The following APCDD1 variants were observed in gnomAD, a reference collection of about 807,000 sequenced individuals.
APCDD1 encodes the protein protein APCDD1.
APCDD1 carries 15 observed loss-of-function variants against 38.1 expected under a neutral mutation model. That is an observed-to-expected ratio of 0.39 (90% CI 0.26 to 0.61). The LOEUF (loss-of-function observed/expected upper bound fraction) is 0.61. Among genes scored for constraint, APCDD1 ranks in the 20% least tolerant of loss-of-function variants. The pLI is 0.49. For synonymous variants in APCDD1, 261 were observed against 279.7 expected, an observed-to-expected ratio of 0.93 and a Z score of 0.67; for missense variants, 647 against 696.2, an observed-to-expected ratio of 0.93 and a Z score of 0.79.
chr18:10,465,378 C>T (rs904021058), intron 1 of APCDD1, among the ~76,000 whole-genome samples: 5 of 152,206 alleles, frequency 3.3e-5, no homozygotes, highest in Non-Finnish European at 5.9e-5. Context: ...GAGTACACAT[C>T]TGAGTCAGCA....
At chr18:10,468,715 A>C in intron 2 of APCDD1, 63 bp downstream of exon 2, 1 of 1,542,122 alleles carries the variant, frequency 6.5e-7, no homozygotes, top group Middle Eastern at 2.3e-4. Flanking sequence ...GACCCTTCTT[A>C]TGGGTTCTCA....
chr18:10,455,140 C>T, intron 1 of APCDD1, 101 bp downstream of exon 1: 1 of 1,497,970 alleles, frequency 6.7e-7, no homozygotes, highest in Non-Finnish European at 8.9e-7. Context: ...GCACGGCCTA[C>T]ACTGTCCCCT....
intron 3 of APCDD1, among the ~76,000 whole-genome samples, chr18:10,480,301 G>A (rs766002685): frequency 6.6e-6 from 1 of 152,152 alleles, no homozygotes. Context: ...CTCTTTCCAT[G>A]TATCCATCTT....
intron 1 of APCDD1, among the ~76,000 whole-genome samples, chr18:10,456,034 A>G (rs866928662): frequency 3.9e-5 from 6 of 152,214 alleles, no homozygotes; most frequent in African/African-American, 1.4e-4. Context: ...TTCAGAATGC[A>G]TGGTAGCCAG....
rs774923279 is a variant in APCDD1 at position 10,471,769 on chromosome 18, A to C, written c.482A>C (p.Glu161Ala). 1.2e-6 allele frequency: 2 copies of C among 1,613,080 alleles called. No individual in the cohort carries two copies. The highest frequency in any genetic ancestry group is 1.1e-5 in the South Asian group (1 of 91,064). ...ATCTGCCACACAGAGGCGGTGGCCG[A>C]GAAGCTCGGCCAGCAGGTGAACCGC... ...QVICHTEAVA[E>A]KLGQQVNRTC... Residue 161 changes from glutamate to alanine, a missense_variant, in exon 3 of 5, where the codon GAG becomes GCG. Transcript: ENST00000355285. The surrounding 1 kb of genome is among the most constrained non-coding windows in gnomAD (Gnocchi z 5.5).
chr18:10,464,269 C>T (rs2030645397), intron 1 of APCDD1, among the ~76,000 whole-genome samples: 1 of 151,334 alleles, frequency 6.6e-6, no homozygotes, highest in Admixed American at 6.6e-5. Flanking sequence ...GACCCTTGTT[C>T]TTTGACATCC....
rs1018356262 is a variant in APCDD1 at position 10,467,426 on chromosome 18, A to T, written c.59-1043A>T. On this transcript the variant is annotated intron_variant, in intron 1 of 4. Coordinates refer to ENST00000355285, the MANE Select transcript of APCDD1 (RefSeq NM_153000.5). This position sits in a 1 kb window ranked among gnomAD's most constrained non-coding sequence, Gnocchi z 4.8. ...GCTAACACAGGGCTAAATACGTAGT[A>T]GGTCCGCCATAAATGCCTGTTGATT... Among the ~76,000 whole-genome samples the T allele has an allele frequency of 1.3e-5, 2 of 152,232 alleles. No homozygotes were observed. The highest frequency in any genetic ancestry group is 4.8e-5 in the African/African-American group (2 of 41,462).
chr18:10,462,968 G>A lies in APCDD1; in HGVS notation c.59-5501G>A, dbSNP rs573911192. The stretch of plus-strand genomic sequence containing the variant: ...CAAAATAAAATTCTTACCATACCAC[G>A]ACATTGCAGAAAATCTTTTGGTGGC... On this transcript the variant is annotated intron_variant, in intron 1 of 4. Coordinates refer to ENST00000355285, the MANE Select transcript of APCDD1 (RefSeq NM_153000.5). Among the ~76,000 whole-genome samples, 50 of 152,016 alleles carry A rather than the reference G, an allele frequency of 3.3e-4. 1 individual carries two copies. The highest frequency in any genetic ancestry group is 2.1e-4 in the South Asian group (1 of 4,806).
Position 10,471,520 on chromosome 18 carries a change from T to G in APCDD1, c.243-10T>G. On this transcript the variant is annotated splice_polypyrimidine_tract_variant and intron_variant, in intron 2 of 4. Coordinates refer to ENST00000355285, the MANE Select transcript of APCDD1 (RefSeq NM_153000.5). The surrounding 1 kb of genome is among the most constrained non-coding windows in gnomAD (Gnocchi z 5.5). ...TTACAAAGGTCTCTTCTTCCCCTTT[T>G]CTTGCCCAGCTGTGAAGTAAGGTCA... 6.2e-7 allele frequency: 1 copy of G among 1,614,252 alleles called. No individual in the cohort carries two copies. Among genetic ancestry groups the G allele is most frequent in the Non-Finnish European group, 8.5e-7 (1 of 1,180,046 alleles).
Position 10,489,366 on chromosome 18 carries a change from A to C in APCDD1, c.*1328A>C, listed in dbSNP as rs752966186. On this transcript the variant is annotated 3_prime_UTR_variant, in exon 5 of 5. Coordinates refer to ENST00000355285, the MANE Select transcript of APCDD1 (RefSeq NM_153000.5). Reference sequence around the variant, plus strand: ...AAAGCCAGATGGAACGAAAGCAAACATGGAAACCATGATCACGGCAAAGAG... The same window carrying C: ...AAAGCCAGATGGAACGAAAGCAAACCTGGAAACCATGATCACGGCAAAGAG... 6.6e-6 allele frequency: 1 copy of C among 152,258 alleles called. No individual in the cohort carries two copies. The highest frequency in any genetic ancestry group is 1.5e-5 in the Non-Finnish European group (1 of 68,098). The allele number at this position is 152,258 out of a possible 1,614,324, so 9.4% of individuals were successfully genotyped here. A position where few individuals can be genotyped will look rare whatever the true frequency, so the allele number is the denominator to read the frequency against.
chr18:10,460,813 A>T (rs146810789), intron 1 of APCDD1, among the ~76,000 whole-genome samples: 1 of 152,118 alleles, frequency 6.6e-6, no homozygotes, highest in Non-Finnish European at 1.5e-5. Context: ...TTAGCACACC[A>T]TGGGTTTAGG....
At position 10,476,003 on chromosome 18, in the gene APCDD1, A is replaced by G. The variant is rs1038940996; in HGVS notation, c.774+3942A>G. 6.6e-5 allele frequency: 10 copies of G among 152,382 alleles called. No individual in the cohort carries two copies. The highest frequency in any genetic ancestry group is 2.4e-4 in the African/African-American group (10 of 41,586). The allele number at this position is 152,382 out of a possible 1,614,324, so 9.4% of individuals were successfully genotyped here. On this transcript the variant is annotated intron_variant, in intron 3 of 4. Transcript: ENST00000355285. The surrounding 1 kb of genome is among the most constrained non-coding windows in gnomAD (Gnocchi z 5.8). ...GACCCGGGCACCAGAAAGACTGGGCACTGTGTGCCCACGCGGGCCCAGCCA... is the reference window on the plus strand; with the variant it reads ...GACCCGGGCACCAGAAAGACTGGGCGCTGTGTGCCCACGCGGGCCCAGCCA...
In APCDD1 at chr18:10,463,978, C is replaced by T. The variant is rs143350966; in HGVS notation, c.59-4491C>T. 4.6e-3 allele frequency among the ~76,000 whole-genome samples: 694 copies of T among 152,280 alleles called. 3 individuals carry two copies. The highest frequency in any genetic ancestry group is 8.1e-3 in the Non-Finnish European group (549 of 68,014). ...TGCACTGCCAGCCTCGCTGGGTTTC[C>T]GAGCTGTGCTCATTGTCAAATGTGA... is the stretch of plus-strand genomic sequence containing the variant. On this transcript the variant is annotated intron_variant, in intron 1 of 4. Transcript: ENST00000355285.
chr18:10,460,585 A>G (rs904517016), intron 1 of APCDD1, among the ~76,000 whole-genome samples: 4 of 152,114 alleles, frequency 2.6e-5, no homozygotes, highest in African/African-American at 7.2e-5. Context: ...TTGAAAAATC[A>G]AGGACTTGTA....
At chr18:10,483,950 A>G (rs761546945) in intron 3 of APCDD1, among the ~76,000 whole-genome samples, 1 of 152,208 alleles carries the variant, frequency 6.6e-6, no homozygotes, top group Non-Finnish European at 1.5e-5. Context: ...GAGGTGTCTG[A>G]AGACCTTGGT....
Position 10,471,391 on chromosome 18 carries a change from A to T in APCDD1, c.243-139A>T. 1 of 1,096,382 alleles carries T rather than the reference A, an allele frequency of 9.1e-7. No homozygotes were observed. Among genetic ancestry groups the T allele is most frequent in the Non-Finnish European group, 1.3e-6 (1 of 749,996 alleles). The allele number at this position is 1,096,382 out of a possible 1,614,324, so 67.9% of individuals were successfully genotyped here. ...TGTTGTGAGGAGTCAATGAGTTGGT[A>T]TCTATAAAGGGCTGACAACAGAGTC... On this transcript the variant is annotated intron_variant, in intron 2 of 4. Transcript: ENST00000355285. The surrounding 1 kb of genome is among the most constrained non-coding windows in gnomAD (Gnocchi z 5.5).
chr18:10,471,485 A>T lies in APCDD1; in HGVS notation c.243-45A>T. ...ATACTATAATGAATCTCTTTCCCAT[A>T]CCTTCAGGCTTACAAAGGTCTCTTC... On this transcript the variant is annotated intron_variant, in intron 2 of 4. Transcript: ENST00000355285. The surrounding 1 kb of genome is among the most constrained non-coding windows in gnomAD (Gnocchi z 5.5). 2 of 1,611,850 alleles carry T rather than the reference A, an allele frequency of 1.2e-6. No individual in the cohort carries two copies. Among genetic ancestry groups the T allele is most frequent in the Non-Finnish European group, 1.7e-6 (2 of 1,178,106 alleles).
intron 1 of APCDD1, among the ~76,000 whole-genome samples, chr18:10,463,365 A>G (rs1280540719): frequency 6.6e-6 from 1 of 152,056 alleles, no homozygotes; most frequent in Non-Finnish European, 1.5e-5. Flanking sequence ...TCAGAGCCTT[A>G]CTGATTGGAT....
intron 1 of APCDD1, among the ~76,000 whole-genome samples, chr18:10,465,946 A>G (rs923026472): frequency 1.3e-5 from 2 of 152,178 alleles, no homozygotes; most frequent in African/African-American, 4.8e-5. Context: ...CACATCCACT[A>G]CACTCCTGGC....
Sources: gnomAD v4.1 joint callset for allele counts (sites outside exome capture counted in the v4.1 genomes callset) on GRCh38, gnomAD v4.1.1 for gene constraint, Gnocchi (gnomAD v3.1) non-coding constraint, MANE v1.5 for transcripts, NCBI Gene and HGNC (gene_info 2026-07-23, HGNC 2026-07-21) for gene names.